The following CNTN5 variants were observed in gnomAD, a reference collection of about 807,000 sequenced individuals.
CNTN5 encodes contactin-5.
Under a neutral mutation model 129.1 loss-of-function variants are expected in CNTN5, and 77 were observed. That is an observed-to-expected ratio of 0.60 (90% CI 0.50 to 0.72). CNTN5 has a LOEUF of 0.72. CNTN5 is among the 30% of genes least tolerant of loss of function. CNTN5 has a pLI of 0.00. For missense variants in CNTN5, 1,478 were observed against 1,328.8 expected, an observed-to-expected ratio of 1.11 and a Z score of -1.75; for synonymous variants, 509 against 465.6, an observed-to-expected ratio of 1.09 and a Z score of -1.20.
chr11:99,366,607 G>A (rs1939459420), intron 2 of CNTN5, among the ~76,000 whole-genome samples: 1 of 152,106 alleles, frequency 6.6e-6, no homozygotes, highest in African/African-American at 2.4e-5. Flanking sequence ...TATCGCCAAA[G>A]ACCCAGCTGA....
At chr11:99,542,622 C>T (rs958026907) in intron 2 of CNTN5, among the ~76,000 whole-genome samples, 1 of 152,136 alleles carries the variant, frequency 6.6e-6, no homozygotes, top group Non-Finnish European at 1.5e-5. Context: ...ATACCAGTGA[C>T]AACAACAAAA....
At chr11:99,360,136 G>T (rs1198497535) in intron 2 of CNTN5, among the ~76,000 whole-genome samples, 1 of 152,144 alleles carries the variant, frequency 6.6e-6, no homozygotes, top group Non-Finnish European at 1.5e-5. Context: ...ATCTTCTTTG[G>T]TTCCATGGCC....
chr11:99,222,875 G>A (rs57328680), intron 1 of CNTN5, among the ~76,000 whole-genome samples: 2,509 of 152,074 alleles, frequency 0.016, 82 homozygotes, highest in African/African-American at 0.058. Context: ...TTAATACTAG[G>A]CACCAATAAG....
At chr11:100,234,181 T>A (rs1375434498) in intron 16 of CNTN5, among the ~76,000 whole-genome samples, 6 of 152,042 alleles carry the variant, frequency 3.9e-5, no homozygotes, top group Non-Finnish European at 8.8e-5. Flanking sequence ...CAGGGACACT[T>A]TTACACTGTT....
chr11:100,333,383 A>G (rs539457393), intron 21 of CNTN5, among the ~76,000 whole-genome samples: 4 of 140,262 alleles, frequency 2.9e-5, no homozygotes, highest in Non-Finnish European at 6.1e-5. Context: ...CCATCAAAAT[A>G]CCACCATCAT....
chr11:99,204,310 T>A (rs1052021197), intron 1 of CNTN5, among the ~76,000 whole-genome samples: 2 of 152,200 alleles, frequency 1.3e-5, no homozygotes, highest in African/African-American at 4.8e-5. Flanking sequence ...CATATCTAGG[T>A]CTGAGAAATA....
intron 3 of CNTN5, among the ~76,000 whole-genome samples, chr11:99,812,820 G>A (rs574656978): frequency 6.6e-6 from 1 of 152,202 alleles, no homozygotes; most frequent in African/African-American, 2.4e-5. Flanking sequence ...TTATTCCCAG[G>A]AACTGAGCGA....
intron 16 of CNTN5, among the ~76,000 whole-genome samples, chr11:100,244,220 C>T (rs181401880): frequency 4.6e-5 from 7 of 152,234 alleles, no homozygotes; most frequent in African/African-American, 1.7e-4. Context: ...CTTCAAAATG[C>T]CTTAGATTTT....
At chr11:99,437,908 A>G (rs1470743381) in intron 2 of CNTN5, among the ~76,000 whole-genome samples, 2 of 152,206 alleles carry the variant, frequency 1.3e-5, no homozygotes, top group African/African-American at 2.4e-5. Context: ...TTTCACCACC[A>G]TAGGGCAATC....
intron 9 of CNTN5, among the ~76,000 whole-genome samples, chr11:100,044,652 C>A (rs1942572061): frequency 6.6e-6 from 1 of 151,306 alleles, no homozygotes; most frequent in Non-Finnish European, 1.5e-5. Flanking sequence ...TATGCATATT[C>A]TTCACTCACT....
intron 2 of CNTN5, among the ~76,000 whole-genome samples, chr11:99,396,533 T>C (rs1324498250): frequency 1.3e-5 from 2 of 151,608 alleles, no homozygotes; most frequent in African/African-American, 4.8e-5. Context: ...GCCTTTTAAA[T>C]TTAAGTGTAA....
intron 3 of CNTN5, among the ~76,000 whole-genome samples, chr11:99,756,155 CTCCTGTTTAGTT>C (rs1944397207): frequency 6.6e-6 from 1 of 152,002 alleles, no homozygotes. Flanking sequence ...AAATCAGATT[CTCCTGTTTAGTT>C]TCTTAAATGT....
chr11:99,706,806 A>G (rs1347402732), intron 3 of CNTN5, among the ~76,000 whole-genome samples: 3 of 149,642 alleles, frequency 2.0e-5, no homozygotes, highest in African/African-American at 4.9e-5. Flanking sequence ...TGTTCTTCCT[A>G]TCATAATCAA....
chr11:99,145,434 G>T (rs1053114700), intron 1 of CNTN5, among the ~76,000 whole-genome samples: 1 of 151,626 alleles, frequency 6.6e-6, no homozygotes, highest in Non-Finnish European at 1.5e-5. Flanking sequence ...CTTTGGTTTC[G>T]GTTGTGGGTG....
chr11:99,366,838 A>G (rs1417594327), intron 2 of CNTN5, among the ~76,000 whole-genome samples: 1 of 152,128 alleles, frequency 6.6e-6, no homozygotes, highest in Non-Finnish European at 1.5e-5. Context: ...TTTGTCCTGA[A>G]CGCATTTTGC....
intron 9 of CNTN5, among the ~76,000 whole-genome samples, chr11:100,028,851 A>G (rs1372830626): frequency 6.6e-6 from 1 of 152,180 alleles, no homozygotes; most frequent in Non-Finnish European, 1.5e-5. Flanking sequence ...TTCAGGTCAA[A>G]CCTTTCTTTT....
intron 2 of CNTN5, among the ~76,000 whole-genome samples, chr11:99,370,838 A>C (rs1186774144): frequency 2.0e-5 from 3 of 152,210 alleles, no homozygotes; most frequent in Admixed American, 1.3e-4. Flanking sequence ...GAAGACTAGA[A>C]TATTATGAAA....
intron 9 of CNTN5, among the ~76,000 whole-genome samples, chr11:100,038,754 G>A (rs1942191025): frequency 6.6e-6 from 1 of 151,864 alleles, no homozygotes; most frequent in South Asian, 2.1e-4. Flanking sequence ...ATCTTTGTTG[G>A]TTTAAAGTCT....
intron 1 of CNTN5, among the ~76,000 whole-genome samples, chr11:99,306,779 A>C (rs1380672503): frequency 1.7e-5 from 2 of 116,388 alleles, no homozygotes; most frequent in Non-Finnish European, 1.9e-5. Flanking sequence ...TAATAATAAT[A>C]ATAATTTATT....
Sources: gnomAD v4.1 joint callset for allele counts (sites outside exome capture counted in the v4.1 genomes callset) on GRCh38, gnomAD v4.1.1 for gene constraint, MANE v1.5 for transcripts, NCBI Gene and HGNC (gene_info 2026-07-23, HGNC 2026-07-21) for gene names.